Variants in GBE1 observed in about 807,000 individuals in gnomAD.
The protein encoded by GBE1 is 1,4-alpha-glucan-branching enzyme.
GBE1 carries 70 observed loss-of-function variants against 88.8 expected under a neutral mutation model. The observed-to-expected ratio is 0.79, with a 90% confidence interval of 0.65 to 0.96. The LOEUF (loss-of-function observed/expected upper bound fraction) is 0.96, where lower values mean the gene tolerates loss of function less well. GBE1 is among the 40% of genes least tolerant of loss of function. GBE1 has a pLI of 0.00. For synonymous variants in GBE1, 284 were observed against 300.1 expected (o/e 0.95, Z 0.56); for missense variants, 872 against 871.0 (o/e 1.00, Z -0.01).
intron 12 of GBE1, among the ~76,000 whole-genome samples, chr3:81,538,597 G>A (rs1413515834): frequency 6.6e-6 from 1 of 151,970 alleles, no homozygotes; most frequent in East Asian, 1.9e-4. Context: ...TAGGTCTAAA[G>A]TCTGATTCAC....
chr3:81,681,938 A>G (rs564179696), intron 2 of GBE1, among the ~76,000 whole-genome samples: 76 of 152,354 alleles, frequency 5.0e-4, no homozygotes, highest in African/African-American at 1.8e-3. Flanking sequence ...TGACATCTTC[A>G]AAATTAAAAT....
intron 2 of GBE1, among the ~76,000 whole-genome samples, chr3:81,671,979 A>G (rs1705196852): frequency 6.6e-6 from 1 of 152,032 alleles, no homozygotes; most frequent in African/African-American, 2.4e-5. Flanking sequence ...AAACAAATCA[A>G]GAGAAAAATT....
chr3:81,580,160 T>G (rs1165616154), intron 11 of GBE1, among the ~76,000 whole-genome samples: 1 of 152,202 alleles, frequency 6.6e-6, no homozygotes, highest in Admixed American at 6.6e-5. Flanking sequence ...TCAAACATTT[T>G]ATTGTCTACA....
At chr3:81,751,578 G>A (rs1169890906) in intron 1 of GBE1, among the ~76,000 whole-genome samples, 1 of 152,242 alleles carries the variant, frequency 6.6e-6, no homozygotes, top group African/African-American at 2.4e-5. Context: ...CATGGATGTG[G>A]TGCCAAGCTG....
chr3:81,723,244 TAAA>T (rs1293035408), intron 1 of GBE1, among the ~76,000 whole-genome samples: 3 of 149,026 alleles, frequency 2.0e-5, no homozygotes, highest in Non-Finnish European at 4.4e-5. Context: ...TCCTTGGTAT[TAAA>T]TAAAAGTTGT....
At chr3:81,566,279 G>A (rs913544472) in intron 12 of GBE1, among the ~76,000 whole-genome samples, 6 of 152,104 alleles carry the variant, frequency 3.9e-5, no homozygotes, top group African/African-American at 1.2e-4. Context: ...CAATGCCCGA[G>A]CCCTAGCCAA....
intron 1 of GBE1, among the ~76,000 whole-genome samples, chr3:81,758,725 G>A (rs180958096): frequency 2.8e-4 from 43 of 152,310 alleles, no homozygotes; most frequent in Non-Finnish European, 5.0e-4. Flanking sequence ...CATGGAGGTG[G>A]TCAGTCATGC....
chr3:81,552,033 G>C (rs1232595595), intron 12 of GBE1, among the ~76,000 whole-genome samples: 1 of 152,186 alleles, frequency 6.6e-6, no homozygotes, highest in Non-Finnish European at 1.5e-5. Context: ...GTAACATCTT[G>C]AAGTAATAGC....
intron 14 of GBE1, among the ~76,000 whole-genome samples, chr3:81,518,959 A>T (rs1467668283): frequency 6.6e-6 from 1 of 151,616 alleles, no homozygotes; most frequent in Admixed American, 6.6e-5. Flanking sequence ...GAAAGTTGAG[A>T]TGCTCTATTT....
chr3:81,740,789 C>CACACACACAT (rs1462923824), intron 1 of GBE1, among the ~76,000 whole-genome samples: 3 of 151,908 alleles, frequency 2.0e-5, no homozygotes, highest in African/African-American at 4.8e-5. Context: ...CACACACACA[C>CACACACACAT]AATTTATTTA....
At chr3:81,556,499 C>A (rs950193289) in intron 12 of GBE1, among the ~76,000 whole-genome samples, 3 of 151,882 alleles carry the variant, frequency 2.0e-5, no homozygotes. Flanking sequence ...TTGGGGGTAA[C>A]GAGAAACTTT....
chr3:81,648,034 C>A (rs963022420), intron 5 of GBE1, among the ~76,000 whole-genome samples: 2 of 151,886 alleles, frequency 1.3e-5, no homozygotes, highest in African/African-American at 4.8e-5. Flanking sequence ...ATAATTAATA[C>A]TAAATACTCT....
At position 81,750,637 on chromosome 3, in the gene GBE1, ATATATATG is replaced by A. The variant is rs1239522059; in HGVS notation, c.143+10730_143+10737del. 1.1e-3 allele frequency among the ~76,000 whole-genome samples: 62 copies of A among 54,314 alleles called. 7 individuals carry two copies. The highest frequency in any genetic ancestry group is 6.4e-3 in the African/African-American group (56 of 8,720). 35.6% of individuals were successfully genotyped at this position (54,314 alleles called of 152,430 possible). A position where few individuals can be genotyped will look rare whatever the true frequency, so the allele number is the denominator to read the frequency against. On this transcript the variant is annotated intron_variant, in intron 1 of 15. Transcript: ENST00000429644. The stretch of plus-strand genomic sequence containing the variant: ...TATATGTATATATATATACGTATAT[ATATATATG>A]TATATATATATATGTATATATATAT...
At chr3:81,565,662 T>C (rs1200750102) in intron 12 of GBE1, among the ~76,000 whole-genome samples, 1 of 152,108 alleles carries the variant, frequency 6.6e-6, no homozygotes, top group African/African-American at 2.4e-5. Flanking sequence ...GTAATGGAAA[T>C]TTCATAATAC....
chr3:81,743,492 T>C, intron 1 of GBE1: 2 of 1,093,774 alleles, frequency 1.8e-6, no homozygotes, highest in East Asian at 5.2e-5. Flanking sequence ...AGAATCAATC[T>C]TTCCAACCCC....
chr3:81,623,839 T>G (rs1354383308), intron 7 of GBE1, among the ~76,000 whole-genome samples: 2 of 152,078 alleles, frequency 1.3e-5, no homozygotes, highest in Non-Finnish European at 2.9e-5. Context: ...TATTTTTATT[T>G]TCATTTTTTA....
intron 7 of GBE1, among the ~76,000 whole-genome samples, chr3:81,637,959 C>T (rs1216641449): frequency 6.6e-6 from 1 of 152,142 alleles, no homozygotes; most frequent in East Asian, 1.9e-4. Context: ...TTCTAATTAA[C>T]CATAGAAAAG....
intron 9 of GBE1, among the ~76,000 whole-genome samples, chr3:81,590,493 G>A (rs1165612860): frequency 6.6e-6 from 1 of 151,872 alleles, no homozygotes; most frequent in African/African-American, 2.4e-5. Context: ...TGCATATATG[G>A]AATTATATCA....
intron 7 of GBE1, among the ~76,000 whole-genome samples, chr3:81,622,238 A>G (rs1704342814): frequency 6.6e-6 from 1 of 152,220 alleles, no homozygotes; most frequent in Non-Finnish European, 1.5e-5. Context: ...TAGTCCAAAT[A>G]AATGACCACC....
Sources: allele counts gnomAD v4.1 joint callset (sites outside exome capture counted in the v4.1 genomes callset), GRCh38; gene constraint gnomAD v4.1.1; transcripts MANE v1.5; gene names NCBI Gene and HGNC (gene_info 2026-07-23, HGNC 2026-07-21).